Variants in KCNJ2 observed in about 807,000 individuals in gnomAD.
The protein encoded by KCNJ2 is potassium inwardly rectifying channel subfamily J member 2.
KCNJ2 carries 12 observed loss-of-function variants against 28.4 expected under a neutral mutation model. That is an observed-to-expected ratio of 0.42 (90% CI 0.27 to 0.68). KCNJ2 has a LOEUF of 0.68. Among genes scored for constraint, KCNJ2 ranks in the 30% least tolerant of loss-of-function variants. The pLI is 0.23. For synonymous variants in KCNJ2, 200 were observed against 203.2 expected (o/e 0.98, Z 0.13); for missense variants, 320 against 551.3 (o/e 0.58, Z 4.20).
Position 70,177,075 on chromosome 17 carries a change from C to T in KCNJ2, c.*752C>T, listed in dbSNP as rs2074397541. On this transcript the variant is annotated 3_prime_UTR_variant, in exon 2 of 2. Transcript: ENST00000243457. Reference sequence around the variant, plus strand: ...GCATATTTTTGCACAGTGGAGCTTACACTTAAAAGAAAACAAAGCCCCATG... The same window carrying T: ...GCATATTTTTGCACAGTGGAGCTTATACTTAAAAGAAAACAAAGCCCCATG... 1 of 167,204 alleles carries T rather than the reference C, an allele frequency of 6.0e-6. No homozygotes were observed. The highest frequency in any genetic ancestry group is 1.9e-4 in the East Asian group (1 of 5,182). The allele number at this position is 167,204 out of a possible 1,614,324, so 10.4% of individuals were successfully genotyped here. A position where few individuals can be genotyped will look rare whatever the true frequency, so the allele number is the denominator to read the frequency against.
chr17:70,175,398 A>G lies in KCNJ2; in HGVS notation c.359A>G (p.Lys120Arg). The G allele has an allele frequency of 1.2e-6, 2 of 1,614,122 alleles. No homozygotes were observed. The highest frequency in any genetic ancestry group is 1.7e-6 in the Non-Finnish European group (2 of 1,180,026). The change falls in exon 2 of 2, where the codon AAA becomes AGA. Residue 120 changes from lysine (K) to arginine (R), a missense_variant. Around this residue, in one of 3 missense-constraint regions of KCNJ2, gnomAD observed 111 missense variants for 256.7 expected, o/e 0.43. Transcript: ENST00000243457. The surrounding 1 kb of genome is among the most constrained non-coding windows in gnomAD (Gnocchi z 8.3). ...HGDLDASKEG[K>R]ACVSEVNSFT... is the part of the protein sequence containing the mutation. ...GACCTGGATGCATCCAAAGAGGGCAAAGCTTGTGTGTCCGAGGTCAACAGC... is the reference window on the plus strand; with the variant it reads ...GACCTGGATGCATCCAAAGAGGGCAGAGCTTGTGTGTCCGAGGTCAACAGC...
intron 1 of KCNJ2, among the ~76,000 whole-genome samples, chr17:70,171,462 A>G (rs1403864603): frequency 6.6e-6 from 1 of 151,816 alleles, no homozygotes; most frequent in Non-Finnish European, 1.5e-5. Flanking sequence ...TTTATTTCCT[A>G]TCCTTAGAAA....
Position 70,175,641 on chromosome 17 carries a change from T to C in KCNJ2, c.602T>C (p.Ile201Thr), listed in dbSNP as rs989113819. 6.2e-7 allele frequency: 1 copy of C among 1,614,200 alleles called. No individual in the cohort carries two copies. The highest frequency in any genetic ancestry group is 1.1e-5 in the South Asian group (1 of 91,084). ...CTTGTCTTCAGTCACAATGCCGTGA[T>C]TGCCATGAGAGACGGCAAGCTGTGT... ...ETLVFSHNAVIAMRDGKLCLM... is the reference protein window; with the variant it reads ...ETLVFSHNAVTAMRDGKLCLM... Residue 201 changes from isoleucine to threonine, a missense_variant, in exon 2 of 2, where the codon ATT becomes ACT. Physicochemically the swap from Ile to Thr is moderately conservative, Grantham distance 89 (BLOSUM62 -1). Coordinates refer to ENST00000243457, the MANE Select transcript of KCNJ2 (RefSeq NM_000891.3). This position sits in a 1 kb window ranked among gnomAD's most constrained non-coding sequence, Gnocchi z 8.3.
intron 1 of KCNJ2, among the ~76,000 whole-genome samples, chr17:70,170,057 T>A (rs2074356551): frequency 6.6e-6 from 1 of 151,734 alleles, no homozygotes. Context: ...TCACTCTAAG[T>A]GGGGAAAAAA....
chr17:70,178,334 T>G lies in KCNJ2; in HGVS notation c.*2011T>G, dbSNP rs1567823854. ...TTCAATGAAACAAAGAAAGAGATGTTAAGCAAGTGGTTGTTTTAGATCCAA... is the reference window on the plus strand; with the variant it reads ...TTCAATGAAACAAAGAAAGAGATGTGAAGCAAGTGGTTGTTTTAGATCCAA... On this transcript the variant is annotated 3_prime_UTR_variant, in exon 2 of 2. Transcript: ENST00000243457. 6.0e-6 allele frequency: 1 copy of G among 167,052 alleles called. No homozygotes were observed. Among genetic ancestry groups the G allele is most frequent in the Admixed American group, 6.5e-5 (1 of 15,276 alleles). 10.3% of individuals were successfully genotyped at this position (167,052 alleles called of 1,614,324 possible).
chr17:70,176,464 C>CAAAGA lies in KCNJ2; in HGVS notation c.*144_*148dup, dbSNP rs2074394121. 1.3e-6 allele frequency: 1 copy of CAAAGA among 752,200 alleles called. No individual in the cohort carries two copies. The allele number at this position is 752,200 out of a possible 1,614,324, so 46.6% of individuals were successfully genotyped here. A position where few individuals can be genotyped will look rare whatever the true frequency, so the allele number is the denominator to read the frequency against. On this transcript the variant is annotated 3_prime_UTR_variant, in exon 2 of 2. Coordinates refer to ENST00000243457, the MANE Select transcript of KCNJ2 (RefSeq NM_000891.3). ...GGGACTGAGGCAAGCACAATGGTTT[C>CAAAGA]AAAGAAAGACTGTAAGCTCCATGAT...
chr17:70,171,623 G>T (rs937817947), intron 1 of KCNJ2, among the ~76,000 whole-genome samples: 2 of 151,792 alleles, frequency 1.3e-5, no homozygotes, highest in Non-Finnish European at 2.9e-5. Context: ...TGATCTCCTT[G>T]ACCTTACATT....
Position 70,173,163 on chromosome 17 carries a change from G to C in KCNJ2, c.-216-1661G>C, listed in dbSNP as rs1304351061. On this transcript the variant is annotated intron_variant, in intron 1 of 1. Coordinates refer to ENST00000243457, the MANE Select transcript of KCNJ2 (RefSeq NM_000891.3). ...GGGGCACATTCTTGCATAATAACTT[G>C]GATAAAGAAGAAGTCAAAAGACAGT... 2.6e-5 allele frequency among the ~76,000 whole-genome samples: 4 copies of C among 152,260 alleles called. No individual in the cohort carries two copies. The East Asian group carries it at 7.7e-4, about 29-fold the overall frequency.
rs2074391358 is a variant in KCNJ2, at chr17:70,176,133, A to T, written c.1094A>T (p.Lys365Ile). 6.2e-7 allele frequency: 1 copy of T among 1,613,922 alleles called. No homozygotes were observed. The highest frequency in any genetic ancestry group is 8.5e-7 in the Non-Finnish European group (1 of 1,180,034). Residue 365 changes from lysine (K) to isoleucine (I), a missense_variant, in exon 2 of 2, where the codon AAA (lysine) becomes ATA (isoleucine). By Grantham distance (102) the Lys-to-Ile change is moderately radical. Transcript: ENST00000243457. ...AGTGCCAGAGACTTAGCAGAAAAGA[A>T]ATATATCCTCTCAAATGCAAATTCA... is the stretch of plus-strand genomic sequence containing the variant. ...LCSARDLAEK[K>I]YILSNANSFC... is the part of the protein sequence containing the mutation.
rs1309338137 is a variant in KCNJ2, at chr17:70,179,527, T to G, written c.*3204T>G. 1 of 166,320 alleles carries G rather than the reference T, an allele frequency of 6.0e-6. No homozygotes were observed. Among genetic ancestry groups the G allele is most frequent in the African/African-American group, 2.4e-5 (1 of 41,454 alleles). 10.3% of individuals were successfully genotyped at this position (166,320 alleles called of 1,614,324 possible). On this transcript the variant is annotated 3_prime_UTR_variant, in exon 2 of 2. Transcript: ENST00000243457. ...GGCACTGTTGTCATTTCCAAATTCC[T>G]AGAAAAGTTTGTTTTACTTTGTTTT...
chr17:70,171,545 AT>A (rs1192945639), intron 1 of KCNJ2, among the ~76,000 whole-genome samples: 2 of 151,374 alleles, frequency 1.3e-5, no homozygotes, highest in African/African-American at 4.9e-5. Context: ...TTTTTTAGTT[AT>A]TTATAAGCCA....
Position 70,175,659 on chromosome 17 carries a change from A to G in KCNJ2, c.620A>G (p.Lys207Arg). Residue 207 changes from lysine to arginine, a missense_variant, in exon 2 of 2, where the codon AAG becomes AGG. Transcript: ENST00000243457. This position sits in a 1 kb window ranked among gnomAD's most constrained non-coding sequence, Gnocchi z 8.3. ...HNAVIAMRDG[K>R]LCLMWRVGNL... Reference sequence around the variant, plus strand: ...GCCGTGATTGCCATGAGAGACGGCAAGCTGTGTTTGATGTGGCGAGTGGGC... The same window carrying G: ...GCCGTGATTGCCATGAGAGACGGCAGGCTGTGTTTGATGTGGCGAGTGGGC... The G allele has an allele frequency of 6.2e-7, 1 of 1,614,232 alleles. No homozygotes were observed. Among genetic ancestry groups the G allele is most frequent in the Non-Finnish European group, 8.5e-7 (1 of 1,180,030 alleles).
Position 70,176,014 on chromosome 17 carries a change from C to T in KCNJ2, c.975C>T (p.Arg325=). The T allele has an allele frequency of 6.2e-7, 1 of 1,614,104 alleles. No individual in the cohort carries two copies. Among genetic ancestry groups the T allele is most frequent in the Non-Finnish European group, 8.5e-7 (1 of 1,180,018 alleles). ...CAAATGAAATCCTGTGGGGCCACCGCTATGAGCCTGTGCTCTTTGAAGAGA... is the reference window on the plus strand; with the variant it reads ...CAAATGAAATCCTGTGGGGCCACCGTTATGAGCCTGTGCTCTTTGAAGAGA... The part of the protein sequence containing the change: ...YLANEILWGH[R]YEPVLFEEKH... Residue 325 remains arginine (R), a synonymous_variant, in exon 2 of 2, where the codon CGC becomes CGT. Transcript: ENST00000243457.
chr17:70,175,658 A>C lies in KCNJ2; in HGVS notation c.619A>C (p.Lys207Gln). 6.2e-7 allele frequency: 1 copy of C among 1,614,192 alleles called. No homozygotes were observed. Among genetic ancestry groups the C allele is most frequent in the South Asian group, 1.1e-5 (1 of 91,084 alleles). ...TGCCGTGATTGCCATGAGAGACGGC[A>C]AGCTGTGTTTGATGTGGCGAGTGGG... ...HNAVIAMRDG[K>Q]LCLMWRVGNL... The change falls in exon 2 of 2, where the codon AAG becomes CAG. Residue 207 changes from lysine to glutamine, a missense_variant. Physicochemically the swap from Lys to Gln is moderately conservative, Grantham distance 53. Coordinates refer to ENST00000243457, the MANE Select transcript of KCNJ2 (RefSeq NM_000891.3). This position sits in a 1 kb window ranked among gnomAD's most constrained non-coding sequence, Gnocchi z 8.3.
Position 70,178,696 on chromosome 17 carries a change from A to T in KCNJ2, c.*2373A>T, listed in dbSNP as rs2074409712. Reference sequence around the variant, plus strand: ...AAGAGGGAGGGAAATCTTTCAACTTATTTCTGAAAAAGAGAAAAAAATATA... The same window carrying T: ...AAGAGGGAGGGAAATCTTTCAACTTTTTTCTGAAAAAGAGAAAAAAATATA... On this transcript the variant is annotated 3_prime_UTR_variant, in exon 2 of 2. Coordinates refer to ENST00000243457, the MANE Select transcript of KCNJ2 (RefSeq NM_000891.3). 6.0e-6 allele frequency: 1 copy of T among 166,862 alleles called. No homozygotes were observed. 10.3% of individuals were successfully genotyped at this position (166,862 alleles called of 1,614,324 possible).
chr17:70,169,614 C>A lies in KCNJ2; in HGVS notation c.-304C>A, dbSNP rs1183649077. On this transcript the variant is annotated 5_prime_UTR_variant, in exon 1 of 2. Coordinates refer to ENST00000243457, the MANE Select transcript of KCNJ2 (RefSeq NM_000891.3). Reference sequence around the variant, plus strand: ...TTGGGAATTCTGGTTTGCTTTGGCTCACTCGCTTTTTACAAACCACTGGAT... The same window carrying A: ...TTGGGAATTCTGGTTTGCTTTGGCTAACTCGCTTTTTACAAACCACTGGAT... 6.6e-6 allele frequency: 1 copy of A among 152,562 alleles called. No individual in the cohort carries two copies. Among genetic ancestry groups the A allele is most frequent in the East Asian group, 1.9e-4 (1 of 5,182 alleles). The allele number at this position is 152,562 out of a possible 1,614,324, so 9.5% of individuals were successfully genotyped here. A position where few individuals can be genotyped will look rare whatever the true frequency, so the allele number is the denominator to read the frequency against.
chr17:70,173,157 T>C (rs1430263280), intron 1 of KCNJ2, among the ~76,000 whole-genome samples: 2 of 152,204 alleles, frequency 1.3e-5, no homozygotes, highest in Non-Finnish European at 2.9e-5. Flanking sequence ...TCTTGCATAA[T>C]AACTTGGATA....
At position 70,175,834 on chromosome 17, in the gene KCNJ2, C is replaced by A. The variant is rs1381202025; in HGVS notation, c.795C>A (p.Ser265=). ...DSGIDRIFLV[S]PITIVHEIDE... ...GAATCGATCGTATATTTCTGGTGTC[C>A]CCAATCACTATAGTCCATGAAATAG... The change falls in exon 2 of 2, where the codon TCC becomes TCA. Residue 265 remains serine (S), a synonymous_variant. Coordinates refer to ENST00000243457, the MANE Select transcript of KCNJ2 (RefSeq NM_000891.3). This position sits in a 1 kb window ranked among gnomAD's most constrained non-coding sequence, Gnocchi z 8.3. 14 of 1,614,092 alleles carry A rather than the reference C, an allele frequency of 8.7e-6. No homozygotes were observed. Among genetic ancestry groups the A allele is most frequent in the Non-Finnish European group, 1.1e-5 (13 of 1,180,004 alleles).
In KCNJ2 at chr17:70,179,273, A is replaced by G. The variant is rs1354341335; in HGVS notation, c.*2950A>G. 6.0e-6 allele frequency: 1 copy of G among 166,606 alleles called. No homozygotes were observed. Among genetic ancestry groups the G allele is most frequent in the African/African-American group, 2.4e-5 (1 of 41,340 alleles). The allele number at this position is 166,606 out of a possible 1,614,324, so 10.3% of individuals were successfully genotyped here. A position where few individuals can be genotyped will look rare whatever the true frequency, so the allele number is the denominator to read the frequency against. On this transcript the variant is annotated 3_prime_UTR_variant, in exon 2 of 2. Transcript: ENST00000243457. ...ATTCCCAGATGTGTGTTGCTTCTCT[A>G]TTGCAAGCAGATTCCCTGTTGGATT...
Sources: gnomAD v4.1 joint callset for allele counts (sites outside exome capture counted in the v4.1 genomes callset) on GRCh38, gnomAD v4.1.1 for gene constraint, gnomAD v4.1.1 regional missense constraint, Gnocchi (gnomAD v3.1) non-coding constraint, MANE v1.5 for transcripts, NCBI Gene and HGNC (gene_info 2026-07-23, HGNC 2026-07-21) for gene names.